The following ANKS1B variants were observed in gnomAD, a reference collection of about 807,000 sequenced individuals.
The protein encoded by ANKS1B is ankyrin repeat and sterile alpha motif domain-containing protein 1B.
In ANKS1B, 36 loss-of-function variants were observed where a neutral mutation model predicts 148.3. That is an observed-to-expected ratio of 0.24 (90% CI 0.19 to 0.32). The LOEUF (loss-of-function observed/expected upper bound fraction) is 0.32, where lower values mean the gene tolerates loss of function less well. ANKS1B is among the 10% of genes least tolerant of loss of function. ANKS1B has a pLI of 1.00. For missense variants in ANKS1B, 1,157 were observed against 1,542.6 expected (o/e 0.75, Z 4.19); for synonymous variants, 542 against 560.8 (o/e 0.97, Z 0.47).
chr12:98,805,629 C>T (rs984028469), intron 20 of ANKS1B, among the ~76,000 whole-genome samples: 1 of 152,152 alleles, frequency 6.6e-6, no homozygotes, highest in Non-Finnish European at 1.5e-5. Flanking sequence ...AAAAGCTTCA[C>T]AAAATACAGA....
chr12:98,904,376 T>TA (rs2099776140), intron 17 of ANKS1B, among the ~76,000 whole-genome samples: 1 of 152,192 alleles, frequency 6.6e-6, no homozygotes, highest in Non-Finnish European at 1.5e-5. Context: ...TCCCAAGAGT[T>TA]ACCATAAGTC....
chr12:98,982,286 G>T (rs2099912250), intron 17 of ANKS1B, among the ~76,000 whole-genome samples: 1 of 151,086 alleles, frequency 6.6e-6, no homozygotes, highest in Non-Finnish European at 1.5e-5. Flanking sequence ...CTGGGGTGGG[G>T]CCTACCTCTG....
chr12:99,667,528 C>T lies in ANKS1B; in HGVS notation c.1129-12318G>A, dbSNP rs372032220. 2.0e-4 allele frequency among the ~76,000 whole-genome samples: 30 copies of T among 152,222 alleles called. No individual in the cohort carries two copies. In the South Asian group the frequency reaches 6.0e-3, roughly 31 times the overall value. On this transcript the variant is annotated intron_variant, in intron 8 of 26. Coordinates refer to ENST00000683438, the MANE Select transcript of ANKS1B (RefSeq NM_001352186.2). ...TTTTCTATGTAAATGATCATATCAC[C>T]TGTGAATAAAGAGTTTTACTTTTCT...
chr12:99,596,973 G>A (rs2097763398), intron 9 of ANKS1B, among the ~76,000 whole-genome samples: 2 of 151,720 alleles, frequency 1.3e-5, no homozygotes, highest in South Asian at 4.2e-4. Flanking sequence ...TGAGTCATAT[G>A]GTAAATTTAT....
intron 12 of ANKS1B, among the ~76,000 whole-genome samples, chr12:99,297,077 C>T (rs954974624): frequency 5.9e-5 from 9 of 152,002 alleles, no homozygotes; most frequent in African/African-American, 2.2e-4. Context: ...AGAGTTATTC[C>T]TGATTACTTT....
chr12:99,415,522 TA>T (rs1489963827), intron 11 of ANKS1B, among the ~76,000 whole-genome samples: 1 of 152,248 alleles, frequency 6.6e-6, no homozygotes, highest in Non-Finnish European at 1.5e-5. Flanking sequence ...TTAAATTTTT[TA>T]TTTTCAATAA....
At chr12:99,528,437 A>C (rs1262875615) in intron 9 of ANKS1B, among the ~76,000 whole-genome samples, 1 of 98,534 alleles carries the variant, frequency 1.0e-5, no homozygotes, top group Non-Finnish European at 2.1e-5. Flanking sequence ...AAAAACAAAA[A>C]AAAAAACAAA....
At chr12:99,558,194 C>T (rs913681797) in intron 9 of ANKS1B, among the ~76,000 whole-genome samples, 1 of 151,908 alleles carries the variant, frequency 6.6e-6, no homozygotes, top group East Asian at 1.9e-4. Flanking sequence ...AGTGGAGTGG[C>T]GGTATTCGTA....
intron 1 of ANKS1B, among the ~76,000 whole-genome samples, chr12:99,869,667 G>C (rs558790553): frequency 6.8e-6 from 1 of 147,486 alleles, no homozygotes. Context: ...GGCAACAAGA[G>C]TGAAACTTTG....
intron 4 of ANKS1B, among the ~76,000 whole-genome samples, chr12:99,787,253 T>C (rs1049680460): frequency 2.0e-5 from 3 of 152,142 alleles, no homozygotes; most frequent in African/African-American, 7.2e-5. Context: ...GCAATTACCC[T>C]CATGCTGTTC....
At chr12:99,760,092 C>T (rs1205575861) in intron 8 of ANKS1B, among the ~76,000 whole-genome samples, 2 of 151,782 alleles carry the variant, frequency 1.3e-5, no homozygotes, top group African/African-American at 2.4e-5. Flanking sequence ...ATAGAATGCT[C>T]ATAATATAGA....
At chr12:99,929,352 T>C (rs2094554313) in intron 1 of ANKS1B, among the ~76,000 whole-genome samples, 1 of 152,204 alleles carries the variant, frequency 6.6e-6, no homozygotes, top group African/African-American at 2.4e-5. Flanking sequence ...TGGTTTGTTT[T>C]GTTCTTGTAA....
intron 17 of ANKS1B, among the ~76,000 whole-genome samples, chr12:98,912,657 G>C (rs760097177): frequency 6.6e-6 from 1 of 152,196 alleles, no homozygotes; most frequent in Non-Finnish European, 1.5e-5. Flanking sequence ...ATATTTGTCT[G>C]TTTGATGGAT....
At chr12:98,811,009 T>C (rs188762046) in intron 19 of ANKS1B, among the ~76,000 whole-genome samples, 3 of 152,282 alleles carry the variant, frequency 2.0e-5, no homozygotes, top group South Asian at 2.1e-4. Flanking sequence ...ATGTGTTTAG[T>C]TGGGGAGGAA....
At chr12:99,630,950 C>T (rs76752853) in intron 9 of ANKS1B, among the ~76,000 whole-genome samples, 1 of 152,104 alleles carries the variant, frequency 6.6e-6, no homozygotes, top group Non-Finnish European at 1.5e-5. Flanking sequence ...GGGAGCGGGT[C>T]TTTCCCATGC....
rs78657485 is a variant in ANKS1B, at chr12:99,197,510, C to A, written c.2420-43115G>T. Among the ~76,000 whole-genome samples, 725 of 152,246 alleles carry A rather than the reference C, an allele frequency of 4.8e-3. 5 individuals are homozygous for A. Among genetic ancestry groups the A allele is most frequent in the Non-Finnish European group, 5.9e-3 (398 of 68,014 alleles). On this transcript the variant is annotated intron_variant, in intron 14 of 26. Transcript: ENST00000683438. ...GTTAACTTGCAAGACAAAAGATACA[C>A]TGCAGATGTGATTAAGATTAAGGAC...
In ANKS1B at chr12:99,053,253, A is replaced by G; in HGVS notation, c.2682T>C (p.Asp894=). 1.2e-6 allele frequency: 2 copies of G among 1,611,818 alleles called. No individual in the cohort carries two copies. Among genetic ancestry groups the G allele is most frequent in the South Asian group, 1.1e-5 (1 of 90,390 alleles). Residue 894 remains aspartate (D), a synonymous_variant, in exon 17 of 27, where the codon GAT becomes GAC. Coordinates refer to ENST00000683438, the MANE Select transcript of ANKS1B (RefSeq NM_001352186.2). The part of the protein sequence containing the change: ...YHPTSVAEWL[D]SIELGDYTKA... ...TGGTGTAGTCGCCCAGTTCAATGGAATCCAGCCACTCAGCTACAGAGGTGG... is the reference window on the plus strand; with the variant it reads ...TGGTGTAGTCGCCCAGTTCAATGGAGTCCAGCCACTCAGCTACAGAGGTGG...
chr12:99,878,511 C>T (rs1231450885), intron 1 of ANKS1B, among the ~76,000 whole-genome samples: 2 of 152,192 alleles, frequency 1.3e-5, no homozygotes, highest in African/African-American at 4.8e-5. Flanking sequence ...ATTTTCAGTC[C>T]TAGCAATTTT....
intron 17 of ANKS1B, among the ~76,000 whole-genome samples, chr12:98,957,397 G>A (rs190015537): frequency 1.3e-5 from 2 of 151,744 alleles, no homozygotes; most frequent in Admixed American, 6.6e-5. Flanking sequence ...GCCCAGGCTG[G>A]AGTGCAGTGG....
Sources: allele counts gnomAD v4.1 joint callset (sites outside exome capture counted in the v4.1 genomes callset), GRCh38; gene constraint gnomAD v4.1.1; transcripts MANE v1.5; gene names NCBI Gene and HGNC (gene_info 2026-07-23, HGNC 2026-07-21).